Variants in MAVS observed in about 807,000 individuals in gnomAD.
MAVS encodes the protein mitochondrial antiviral-signaling protein.
Under a neutral mutation model 30.2 loss-of-function variants are expected in MAVS, and 20 were observed. The observed-to-expected ratio is 0.66, with a 90% confidence interval of 0.47 to 0.96. MAVS has a LOEUF of 0.96. Ranked by LOEUF, MAVS falls within the 40% of genes least tolerant of loss-of-function variation. The pLI, the probability that MAVS is intolerant of heterozygous loss-of-function variation, is 0.00. For missense variants in MAVS, 624 were observed against 701.1 expected (o/e 0.89, Z 1.24); for synonymous variants, 278 against 293.9 (o/e 0.95, Z 0.55).
At position 3,875,248 on chromosome 20, in the gene MAVS, TTAAAA is replaced by T. The variant is rs1319440682; in HGVS notation, c.*9109_*9113del. ...GGGTAACATAGCTAGACCACATCTC[TTAAAA>T]TAAAATAGTTAATTTAGCCAGGCAT... On this transcript the variant is annotated 3_prime_UTR_variant, in exon 7 of 7. Transcript: ENST00000428216. 1 of 152,044 alleles carries T rather than the reference TTAAAA, an allele frequency of 6.6e-6. No individual in the cohort carries two copies. Among genetic ancestry groups the T allele is most frequent in the African/African-American group, 2.4e-5 (1 of 41,392 alleles). 9.4% of individuals were successfully genotyped at this position (152,044 alleles called of 1,614,324 possible).
intron 1 of MAVS, among the ~76,000 whole-genome samples, chr20:3,851,708 C>G (rs1254886253): frequency 6.6e-6 from 1 of 151,894 alleles, no homozygotes; most frequent in Non-Finnish European, 1.5e-5. Context: ...GTAATCCCAG[C>G]GCTTTGGGAG....
At chr20:3,856,245 G>A (rs1288905779) in intron 2 of MAVS, among the ~76,000 whole-genome samples, 1 of 151,854 alleles carries the variant, frequency 6.6e-6, no homozygotes, top group Non-Finnish European at 1.5e-5. Context: ...TAATAGAGAC[G>A]GGGTTTCACT....
chr20:3,852,834 ATTTTT>A lies in MAVS; in HGVS notation c.-67-1705_-67-1701del, dbSNP rs57163061. ...ATTCATTTTTAGCAAATTCTGCAGA[ATTTTT>A]TTTTTTTTTTTTTTTTTTGAGACGG... is the stretch of plus-strand genomic sequence containing the variant. On this transcript the variant is annotated intron_variant, in intron 1 of 6. Coordinates refer to ENST00000428216, the MANE Select transcript of MAVS (RefSeq NM_020746.5). Among the ~76,000 whole-genome samples the A allele has an allele frequency of 1.5e-4, 16 of 107,488 alleles. 1 individual carries two copies. Among genetic ancestry groups the A allele is most frequent in the African/African-American group, 4.0e-4 (11 of 27,222 alleles). 70.5% of individuals were successfully genotyped at this position (107,488 alleles called of 152,430 possible).
chr20:3,857,028 T>G (rs1600447389), intron 2 of MAVS, among the ~76,000 whole-genome samples: 1 of 126,560 alleles, frequency 7.9e-6, no homozygotes, highest in East Asian at 2.3e-4. Context: ...GGAGTGGGAC[T>G]CCGTCTGAAA....
rs767102847 is a variant in MAVS, at chr20:3,866,183, C to A, written c.*36C>A. 6.5e-7 allele frequency: 1 copy of A among 1,527,490 alleles called. No homozygotes were observed. The highest frequency in any genetic ancestry group is 8.8e-7 in the Non-Finnish European group (1 of 1,140,086). The allele number at this position is 1,527,490 out of a possible 1,614,324, so 94.6% of individuals were successfully genotyped here. Reference sequence around the variant, plus strand: ...GGCTCTTCCCACCACCCATCTGTTCCGTTCCTGCAGTACACCTGGCCCCTC... The same window carrying A: ...GGCTCTTCCCACCACCCATCTGTTCAGTTCCTGCAGTACACCTGGCCCCTC... On this transcript the variant is annotated 3_prime_UTR_variant, in exon 7 of 7. Transcript: ENST00000428216.
In MAVS at chr20:3,866,988, G is replaced by A. The variant is rs76557664; in HGVS notation, c.*841G>A. 1.1e-3 allele frequency: 521 copies of A among 456,820 alleles called. 11 individuals carry two copies. The East Asian group carries it at 0.032, about 28-fold the overall frequency. 28.3% of individuals were successfully genotyped at this position (456,820 alleles called of 1,614,324 possible). On this transcript the variant is annotated 3_prime_UTR_variant, in exon 7 of 7. Coordinates refer to ENST00000428216, the MANE Select transcript of MAVS (RefSeq NM_020746.5). The stretch of plus-strand genomic sequence containing the variant: ...CTGGTCTTGCTTCTCCACGTGGACA[G>A]TGAGTATCTGGCTCATTCTTCACTG...
At chr20:3,861,768 T>TGTGA (rs1555780799) in intron 4 of MAVS, among the ~76,000 whole-genome samples, 3 of 151,822 alleles carry the variant, frequency 2.0e-5, no homozygotes, top group Non-Finnish European at 2.9e-5. Context: ...TGTGTGTGTG[T>TGTGA]GACAGTGTCT....
intron 1 of MAVS, among the ~76,000 whole-genome samples, chr20:3,854,349 C>T (rs540039627): frequency 2.1e-5 from 3 of 140,264 alleles, no homozygotes; most frequent in Non-Finnish European, 3.0e-5. Flanking sequence ...CAATTGAACC[C>T]AGGAGGCGGA....
Position 3,861,360 on chromosome 20 carries a change from G to A in MAVS, c.321G>A (p.Leu107=). 1 of 1,613,874 alleles carries A rather than the reference G, an allele frequency of 6.2e-7. No homozygotes were observed. Among genetic ancestry groups the A allele is most frequent in the Non-Finnish European group, 8.5e-7 (1 of 1,179,926 alleles). ...PRTSDRPPDP[L]EPPSLPAERP... ...CCTCGGACCGTCCCCCAGACCCACT[G>A]GAGCCACCGTCACTTCCTGCTGAGA... Residue 107 remains leucine, a synonymous_variant, in exon 4 of 7, where the codon CTG becomes CTA. Transcript: ENST00000428216.
rs144682531 is a variant in MAVS, at chr20:3,864,345, C to T, written c.715C>T (p.Arg239Cys). The change falls in exon 6 of 7, where the codon CGC (arginine) becomes TGC (cysteine). Residue 239 changes from arginine to cysteine, a missense_variant. Coordinates refer to ENST00000428216, the MANE Select transcript of MAVS (RefSeq NM_020746.5). ...GGCCCGTTCCACCCCCAGGGCAAGC[C>T]GCTTGCCTGGACCCACAGGGTCAGT... is the stretch of plus-strand genomic sequence containing the variant. ...PLARSTPRAS[R>C]LPGPTGSVVS... The T allele has an allele frequency of 1.2e-4, 186 of 1,613,986 alleles. No individual in the cohort carries two copies. Among genetic ancestry groups the T allele is most frequent in the Admixed American group, 2.8e-4 (17 of 59,988 alleles).
In MAVS at chr20:3,865,960, T is replaced by C. The variant is rs770601690; in HGVS notation, c.1436T>C (p.Leu479Pro). The C allele has an allele frequency of 6.2e-7, 1 of 1,613,644 alleles. No homozygotes were observed. The highest frequency in any genetic ancestry group is 8.5e-7 in the Non-Finnish European group (1 of 1,179,966). ...GCTGAGAACCCCAGCATCCAGCTCC[T>C]GGAGGGCAACCCTGGGCCACCTGCG... ...HVAENPSIQL[L>P]EGNPGPPADP... Residue 479 changes from leucine to proline, a missense_variant, in exon 7 of 7, where the codon CTG (leucine) becomes CCG (proline). By Grantham distance (98) the Leu-to-Pro change is moderately conservative. Transcript: ENST00000428216. The surrounding 1 kb of genome is among the most constrained non-coding windows in gnomAD (Gnocchi z 4.7).
At chr20:3,850,049 C>A (rs191211940) in intron 1 of MAVS, among the ~76,000 whole-genome samples, 107 of 148,318 alleles carry the variant, frequency 7.2e-4, no homozygotes, top group African/African-American at 2.4e-3. Flanking sequence ...GAGGCCGAGG[C>A]GGGCAGATCA....
chr20:3,857,596 C>T, intron 2 of MAVS, 39 bp from the exon 3 acceptor site: 1 of 1,568,740 alleles, frequency 6.4e-7, no homozygotes, highest in South Asian at 1.2e-5. Flanking sequence ...TGGCAGGGGC[C>T]ACCTGGCTTG....
chr20:3,864,206 A>T (rs2089886744), intron 5 of MAVS, 50 bp from the exon 6 acceptor site: 1 of 1,551,962 alleles, frequency 6.4e-7, no homozygotes, highest in Admixed American at 1.9e-5. Context: ...CCAGGCCTCA[A>T]GGTAATGGTC....
At chr20:3,853,986 C>A (rs1343059971) in intron 1 of MAVS, among the ~76,000 whole-genome samples, 1 of 137,012 alleles carries the variant, frequency 7.3e-6, no homozygotes, top group Non-Finnish European at 1.5e-5. Context: ...TTAGTAGAGA[C>A]GGGATTTTCT....
In MAVS at chr20:3,859,323, T is replaced by G. The variant is rs542010854; in HGVS notation, c.292+1514T>G. Among the ~76,000 whole-genome samples the G allele has an allele frequency of 5.9e-5, 9 of 151,942 alleles. No homozygotes were observed. In the East Asian group the frequency reaches 1.2e-3, roughly 20 times the overall value. On this transcript the variant is annotated intron_variant, in intron 3 of 6. Transcript: ENST00000428216. Reference sequence around the variant, plus strand: ...GAGTTCGAGACCAGCCTGGCCAATATGGTGAAACCCTGTCTGTACCAAAAA... The same window carrying G: ...GAGTTCGAGACCAGCCTGGCCAATAGGGTGAAACCCTGTCTGTACCAAAAA...
rs975398141 is a variant in MAVS at position 3,874,067 on chromosome 20, G to A, written c.*7920G>A. On this transcript the variant is annotated 3_prime_UTR_variant, in exon 7 of 7. Transcript: ENST00000428216. ...GAAGCTACAGTGAAGTCACAGGGTC[G>A]AATACTACTGCACAGCAACGAATAT... 5.0e-6 allele frequency: 2 copies of A among 398,436 alleles called. No homozygotes were observed. The highest frequency in any genetic ancestry group is 2.1e-5 in the African/African-American group (1 of 48,704). The allele number at this position is 398,436 out of a possible 1,614,324, so 24.7% of individuals were successfully genotyped here.
Position 3,852,235 on chromosome 20 carries a change from C to T in MAVS, c.-67-2323C>T, listed in dbSNP as rs538538442. 1.1e-3 allele frequency among the ~76,000 whole-genome samples: 166 copies of T among 152,128 alleles called. 2 individuals carry two copies. The highest frequency in any genetic ancestry group is 3.9e-3 in the African/African-American group (162 of 41,510). On this transcript the variant is annotated intron_variant, in intron 1 of 6. Coordinates refer to ENST00000428216, the MANE Select transcript of MAVS (RefSeq NM_020746.5). ...GGTCTTGATCTCCTGACCTCGTGAT[C>T]CACCCGCCTCGGCCTCCCAAAGTGC... is the stretch of plus-strand genomic sequence containing the variant.
chr20:3,856,458 TCTC>T (rs768022696), intron 2 of MAVS, among the ~76,000 whole-genome samples: 1 of 149,306 alleles, frequency 6.7e-6, no homozygotes, highest in Non-Finnish European at 1.5e-5. Flanking sequence ...TTCAAGCAAT[TCTC>T]CTGCTTCAGC....
Sources: allele counts gnomAD v4.1 joint callset (sites outside exome capture counted in the v4.1 genomes callset), GRCh38; gene constraint gnomAD v4.1.1; non-coding constraint Gnocchi (gnomAD v3.1); transcripts MANE v1.5; gene names NCBI Gene and HGNC (gene_info 2026-07-23, HGNC 2026-07-21).